Variants in ASTN1 observed in about 807,000 individuals in gnomAD.
ASTN1 encodes the protein astrotactin 1, also known as astrotactin-1.
ASTN1 carries 41 observed loss-of-function variants against 140.7 expected under a neutral mutation model. That is an observed-to-expected ratio of 0.29 (90% CI 0.23 to 0.38). The LOEUF is 0.38. Among genes scored for constraint, ASTN1 ranks in the 10% least tolerant of loss-of-function variants. The probability of loss-of-function intolerance (pLI) is 1.00; values close to 1 mark genes in which losing one functional copy is unlikely to be tolerated. For synonymous variants in ASTN1, 640 were observed against 652.2 expected (o/e 0.98, Z 0.29); for missense variants, 1,479 against 1,678.8 (o/e 0.88, Z 2.08).
chr1:177,023,341 G>A, intron 7 of ASTN1, 63 bp downstream of exon 7: 1 of 1,512,740 alleles, frequency 6.6e-7, no homozygotes, highest in Non-Finnish European at 8.9e-7. Flanking sequence ...TGAATTTCAA[G>A]GGAGTGATTG....
In ASTN1 at chr1:176,862,653, A is replaced by G. The variant is rs540959067; in HGVS notation, c.*1631T>C. 5.0e-5 allele frequency: 47 copies of G among 939,814 alleles called. No homozygotes were observed. The highest frequency in any genetic ancestry group is 5.8e-5 in the Non-Finnish European group (46 of 788,700). The allele number at this position is 939,814 out of a possible 1,614,324, so 58.2% of individuals were successfully genotyped here. Reference sequence around the variant, plus strand: ...AACTCAGTGTGAGTTACAGTGCACAAGGGATTTGAGGCAAGTTGTATAACC... The same window carrying G: ...AACTCAGTGTGAGTTACAGTGCACAGGGGATTTGAGGCAAGTTGTATAACC... On this transcript the variant is annotated 3_prime_UTR_variant, in exon 23 of 23. Coordinates refer to ENST00000361833, the MANE Select transcript of ASTN1 (RefSeq NM_004319.3).
intron 1 of ASTN1, among the ~76,000 whole-genome samples, chr1:177,093,959 C>T (rs1202929151): frequency 6.6e-6 from 1 of 152,162 alleles, no homozygotes; most frequent in South Asian, 2.1e-4. Context: ...CATATAAATA[C>T]TGATACTGAT....
chr1:176,878,720 C>T (rs1381977642), intron 20 of ASTN1, among the ~76,000 whole-genome samples: 3 of 152,028 alleles, frequency 2.0e-5, no homozygotes, highest in African/African-American at 4.8e-5. Context: ...ACCATCTTGA[C>T]CTTCCCTTTC....
chr1:176,934,138 A>C lies in ASTN1; in HGVS notation c.2671+14T>G, dbSNP rs1034927135. The C allele has an allele frequency of 2.5e-6, 4 of 1,594,248 alleles. No homozygotes were observed. Among genetic ancestry groups the C allele is most frequent in the Non-Finnish European group, 3.4e-6 (4 of 1,164,182 alleles). ...GCATGAGGTATGGAATTTGCCAACAAGCATGCCACTCACCTTTACTGATGT... is the reference window on the plus strand; with the variant it reads ...GCATGAGGTATGGAATTTGCCAACACGCATGCCACTCACCTTTACTGATGT... On this transcript the variant is annotated intron_variant, in intron 16 of 22. Coordinates refer to ENST00000361833, the MANE Select transcript of ASTN1 (RefSeq NM_004319.3).
At position 176,897,274 on chromosome 1, in the gene ASTN1, C is replaced by CAAAAAA. The variant is rs56828059; in HGVS notation, c.2672-2450_2672-2445dup. Among the ~76,000 whole-genome samples, 367 of 44,082 alleles carry CAAAAAA rather than the reference C, an allele frequency of 8.3e-3. 14 individuals are homozygous for CAAAAAA. Among genetic ancestry groups the CAAAAAA allele is most frequent in the African/African-American group, 0.035 (342 of 9,876 alleles). The allele number at this position is 44,082 out of a possible 152,430, so 28.9% of individuals were successfully genotyped here. On this transcript the variant is annotated intron_variant, in intron 16 of 22. Transcript: ENST00000361833. ...TGGGCTACAGAGCAAGACTCCGTCTCAAAAAAAAAAAAAAAAAAAAAAAGG... is the reference window on the plus strand; with the variant it reads ...TGGGCTACAGAGCAAGACTCCGTCTCAAAAAAAAAAAAAAAAAAAAAAAAAAAAAGG...
chr1:176,949,890 G>C (rs910964103), intron 11 of ASTN1, among the ~76,000 whole-genome samples: 2 of 152,204 alleles, frequency 1.3e-5, no homozygotes, highest in African/African-American at 4.8e-5. Context: ...AGCTTAGAGG[G>C]GGGTTGCTCT....
chr1:176,867,921 TC>T (rs1168567114), intron 22 of ASTN1, among the ~76,000 whole-genome samples: 3 of 74,462 alleles, frequency 4.0e-5, no homozygotes, highest in Non-Finnish European at 1.1e-4. Context: ...TTTCTTCATT[TC>T]CTTCCTTCCT....
intron 16 of ASTN1, among the ~76,000 whole-genome samples, chr1:176,928,383 GAA>G (rs1326819688): frequency 1.3e-5 from 2 of 152,188 alleles, no homozygotes; most frequent in African/African-American, 4.8e-5. Context: ...ATTAAAAAAA[GAA>G]GAGAAATATG....
intron 1 of ASTN1, among the ~76,000 whole-genome samples, chr1:177,152,511 A>G (rs1326319976): frequency 7.2e-5 from 11 of 152,094 alleles, no homozygotes; most frequent in Non-Finnish European, 1.6e-4. Context: ...CTAACAAGAA[A>G]TGTGCAAGAA....
At chr1:177,152,772 G>A (rs1571858533) in intron 1 of ASTN1, among the ~76,000 whole-genome samples, 1 of 152,202 alleles carries the variant, frequency 6.6e-6, no homozygotes, top group East Asian at 1.9e-4. Context: ...ATGGATAGGA[G>A]AACTCTAGAA....
intron 1 of ASTN1, among the ~76,000 whole-genome samples, chr1:177,083,402 A>G (rs1240788837): frequency 6.6e-6 from 1 of 152,160 alleles, no homozygotes; most frequent in Non-Finnish European, 1.5e-5. Flanking sequence ...CTGTTCTGAA[A>G]GCAACATTCT....
chr1:176,868,907 T>C lies in ASTN1; in HGVS notation c.3584A>G (p.Tyr1195Cys). 1.9e-6 allele frequency: 3 copies of C among 1,611,974 alleles called. No homozygotes were observed. The highest frequency in any genetic ancestry group is 2.5e-6 in the Non-Finnish European group (3 of 1,178,558). ...CCCAAAACTCTCATAGTGCTGGTTATAGTGGTAGAGGACCCGGTGTAAGGT... is the reference window on the plus strand; with the variant it reads ...CCCAAAACTCTCATAGTGCTGGTTACAGTGGTAGAGGACCCGGTGTAAGGT... ...SPTLHRVLYH[Y>C]NQHYESFGEF... Residue 1195 changes from tyrosine to cysteine, a missense_variant, in exon 22 of 23, where the codon TAT (tyrosine) becomes TGT (cysteine). By Grantham distance (194) the Tyr-to-Cys change is radical (BLOSUM62 -2). Around this residue, in one of 3 missense-constraint regions of ASTN1, gnomAD observed 746 missense variants for 800.9 expected, o/e 0.93. Transcript: ENST00000361833.
chr1:177,102,717 T>C (rs1680359732), intron 1 of ASTN1, among the ~76,000 whole-genome samples: 1 of 152,238 alleles, frequency 6.6e-6, no homozygotes, highest in Non-Finnish European at 1.5e-5. Context: ...TGGTATCCAA[T>C]GGGTAGTCTA....
At chr1:176,892,745 TTG>T (rs1268707923) in intron 17 of ASTN1, among the ~76,000 whole-genome samples, 1 of 152,234 alleles carries the variant, frequency 6.6e-6, no homozygotes, top group East Asian at 1.9e-4. Flanking sequence ...AAAACACACA[TTG>T]AATTATATTC....
At chr1:177,133,262 C>A (rs1374542860) in intron 1 of ASTN1, among the ~76,000 whole-genome samples, 1 of 152,154 alleles carries the variant, frequency 6.6e-6, no homozygotes. Context: ...AAAAGAAAAT[C>A]GAGGATCAGA....
At chr1:176,870,335 TC>T (rs1209043272) in intron 21 of ASTN1, among the ~76,000 whole-genome samples, 1 of 152,218 alleles carries the variant, frequency 6.6e-6, no homozygotes, top group South Asian at 2.1e-4. Context: ...GTAGCTTGAT[TC>T]CTGGTCAAAC....
intron 1 of ASTN1, among the ~76,000 whole-genome samples, chr1:177,136,758 C>G (rs1682223684): frequency 6.6e-6 from 1 of 152,190 alleles, no homozygotes; most frequent in Non-Finnish European, 1.5e-5. Flanking sequence ...TTCACCTACC[C>G]AGGGGCTAGT....
intron 8 of ASTN1, among the ~76,000 whole-genome samples, chr1:177,008,416 G>T (rs917892941): frequency 1.3e-5 from 2 of 148,892 alleles, no homozygotes; most frequent in African/African-American, 5.0e-5. Context: ...AGGAGAGGAA[G>T]GGGGGGTGGA....
At chr1:176,929,566 C>T (rs11804030) in intron 16 of ASTN1, among the ~76,000 whole-genome samples, 7,082 of 152,218 alleles carry the variant, frequency 0.047, 190 homozygotes, top group African/African-American at 0.072. Flanking sequence ...TAAATATGTG[C>T]TTTTTTAAGC....
Sources: gnomAD v4.1 joint callset for allele counts (sites outside exome capture counted in the v4.1 genomes callset) on GRCh38, gnomAD v4.1.1 for gene constraint, gnomAD v4.1.1 regional missense constraint, MANE v1.5 for transcripts, NCBI Gene and HGNC (gene_info 2026-07-23, HGNC 2026-07-21) for gene names.